Variants in QPCT observed in about 807,000 individuals in gnomAD.
QPCT encodes glutaminyl-peptide cyclotransferase, also known as EC.
A neutral mutation model predicts 43.4 loss-of-function variants in QPCT; 44 were observed. The observed-to-expected ratio is 1.01, with a 90% CI of 0.80 to 1.30. QPCT has a LOEUF of 1.30. QPCT is among the 50% of genes most tolerant of loss of function. QPCT has a pLI of 0.00. For missense variants in QPCT, 526 were observed against 436.5 expected (o/e 1.21, Z -1.83); for synonymous variants, 168 against 168.4 (o/e 1.00, Z 0.02).
chr2:37,351,955 G>T (rs1164869185), intron 1 of QPCT, among the ~76,000 whole-genome samples: 9 of 151,612 alleles, frequency 5.9e-5, no homozygotes, highest in African/African-American at 2.2e-4. Context: ...GCTTGAGCCC[G>T]GGAGGTGGAG....
At chr2:37,350,929 A>G (rs1408560902) in intron 1 of QPCT, among the ~76,000 whole-genome samples, 1 of 152,226 alleles carries the variant, frequency 6.6e-6, no homozygotes, top group East Asian at 1.9e-4. Flanking sequence ...AGCCTTAATG[A>G]GGTTTAGTAA....
At chr2:37,363,775 G>T (rs111844211) in intron 3 of QPCT, among the ~76,000 whole-genome samples, 2 of 151,498 alleles carry the variant, frequency 1.3e-5, no homozygotes, top group African/African-American at 4.8e-5. Flanking sequence ...TTCTTACAGA[G>T]ATAAGAGGAG....
In QPCT at chr2:37,369,764, T is replaced by C. The variant is rs1373414060; in HGVS notation, c.803T>C (p.Phe268Ser). ...TTTTTTCCAAACTCAGCCAGGTGGT[T>C]CGAAAGACTTCAAGCAATTGGTAAG... ...PNFFPNSARWFERLQAIEHEL... is the reference protein window; with the variant it reads ...PNFFPNSARWSERLQAIEHEL... Residue 268 changes from phenylalanine (F) to serine (S), a missense_variant, in exon 5 of 7, where the codon TTC becomes TCC. Coordinates refer to ENST00000338415, the MANE Select transcript of QPCT (RefSeq NM_012413.4). 7 of 1,592,142 alleles carry C rather than the reference T, an allele frequency of 4.4e-6. No homozygotes were observed. The highest frequency in any genetic ancestry group is 6.0e-6 in the Non-Finnish European group (7 of 1,160,130).
intron 1 of QPCT, among the ~76,000 whole-genome samples, chr2:37,350,628 C>T (rs1031392976): frequency 3.3e-5 from 5 of 152,206 alleles, no homozygotes; most frequent in African/African-American, 9.7e-5. Context: ...CCCCAGACAG[C>T]GGATCTTTTT....
intron 1 of QPCT, 149 bp from the exon 2 acceptor site, chr2:37,352,640 C>A (rs1261025263): frequency 9.9e-7 from 1 of 1,007,662 alleles, no homozygotes; most frequent in East Asian, 2.6e-5. Context: ...CCCTAACAGC[C>A]CAATTTTAAA....
At chr2:37,352,201 C>T (rs1202032891) in intron 1 of QPCT, among the ~76,000 whole-genome samples, 1 of 152,066 alleles carries the variant, frequency 6.6e-6, no homozygotes, top group African/African-American at 2.4e-5. Context: ...TTGAATTAGG[C>T]TTGCTATTAA....
chr2:37,358,988 A>G (rs1384534325), intron 2 of QPCT: 3 of 152,738 alleles, frequency 2.0e-5, no homozygotes, highest in Non-Finnish European at 4.4e-5. Context: ...TACCATTTGC[A>G]GTTCTTGTCC....
At chr2:37,360,009 G>T in intron 3 of QPCT, 151 bp downstream of exon 3, 2 of 848,672 alleles carry the variant, frequency 2.4e-6, no homozygotes, top group South Asian at 1.8e-5. Flanking sequence ...AAGATTGCAT[G>T]ATTGGGAATA....
chr2:37,350,926 A>T (rs1672606201), intron 1 of QPCT, among the ~76,000 whole-genome samples: 1 of 152,244 alleles, frequency 6.6e-6, no homozygotes, highest in South Asian at 2.1e-4. Context: ...TTGAGCCTTA[A>T]TGAGGTTTAG....
rs112031803 is a variant in QPCT at position 37,372,476 on chromosome 2, A to ATG, written c.940+22_940+23dup. The ATG allele has an allele frequency of 1.3e-3, 1,977 of 1,555,698 alleles. No individual in the cohort carries two copies. Among genetic ancestry groups the ATG allele is most frequent in the African/African-American group, 2.2e-3 (158 of 73,178 alleles). ...CATATTCCATTTTTAAGAAGAGGTA[A>ATG]TGTGTGTGTGTGTGTGTGTTTGTGT... On this transcript the variant is annotated splice_donor_region_variant and intron_variant, in intron 6 of 6. Coordinates refer to ENST00000338415, the MANE Select transcript of QPCT (RefSeq NM_012413.4).
intron 1 of QPCT, among the ~76,000 whole-genome samples, chr2:37,351,795 T>C (rs1672629983): frequency 6.6e-6 from 1 of 152,100 alleles, no homozygotes; most frequent in Non-Finnish European, 1.5e-5. Flanking sequence ...GACAGGAGAA[T>C]TGCTTGAACC....
Position 37,352,699 on chromosome 2 carries a change from T to TG in QPCT, c.121-89dup. ...TTTGACATAAAGTTCTCCCTTATTT[T>TG]GAAGTTTTAAGCAATTAATTGAAAA... is the stretch of plus-strand genomic sequence containing the variant. On this transcript the variant is annotated intron_variant, in intron 1 of 6. Transcript: ENST00000338415. 3.4e-6 allele frequency: 5 copies of TG among 1,455,904 alleles called. No individual in the cohort carries two copies. The South Asian group carries it at 6.3e-5, about 18-fold the overall frequency. The allele number at this position is 1,455,904 out of a possible 1,614,324, so 90.2% of individuals were successfully genotyped here. A position where few individuals can be genotyped will look rare whatever the true frequency, so the allele number is the denominator to read the frequency against.
At chr2:37,364,576 C>G (rs1672918046) in intron 3 of QPCT, among the ~76,000 whole-genome samples, 1 of 152,166 alleles carries the variant, frequency 6.6e-6, no homozygotes, top group Admixed American at 6.5e-5. Context: ...TGGTGGGAAA[C>G]AGGTTTGCAG....
In QPCT at chr2:37,367,257, T is replaced by C; in HGVS notation, c.572T>C (p.Leu191Ser). The change falls in exon 4 of 7, where the codon TTG becomes TCG. Residue 191 changes from leucine (L) to serine (S), a missense_variant. By Grantham distance (145) the Leu-to-Ser change is moderately radical. Transcript: ENST00000338415. ...ACTGTTTCAGACTCCAAGCCAGATTTGTCACTCCAGCTGATCTTCTTTGAT... is the reference window on the plus strand; with the variant it reads ...ACTGTTTCAGACTCCAAGCCAGATTCGTCACTCCAGCTGATCTTCTTTGAT... ...LKTVSDSKPD[L>S]SLQLIFFDGE... is the part of the protein sequence containing the mutation. 6.2e-7 allele frequency: 1 copy of C among 1,613,946 alleles called. No individual in the cohort carries two copies. Among genetic ancestry groups the C allele is most frequent in the African/African-American group, 1.3e-5 (1 of 75,016 alleles).
intron 4 of QPCT, 152 bp from the exon 5 acceptor site, chr2:37,369,533 A>C (rs184282244): frequency 8.9e-5 from 56 of 628,058 alleles, no homozygotes; most frequent in Non-Finnish European, 9.8e-5. Context: ...AATTAGCATA[A>C]AATGTTAGTA....
chr2:37,355,152 C>T (rs1246301497), intron 2 of QPCT, among the ~76,000 whole-genome samples: 5 of 152,188 alleles, frequency 3.3e-5, no homozygotes, highest in Non-Finnish European at 7.3e-5. Flanking sequence ...GCTGCCTATG[C>T]ATGGGCTGGC....
chr2:37,355,363 A>C (rs1672719444), intron 2 of QPCT, among the ~76,000 whole-genome samples: 2 of 152,228 alleles, frequency 1.3e-5, no homozygotes, highest in Admixed American at 1.3e-4. Flanking sequence ...CCTTTCATGT[A>C]GAACTGAATT....
chr2:37,357,282 C>CT (rs59312382), intron 2 of QPCT, among the ~76,000 whole-genome samples: 172 of 128,696 alleles, frequency 1.3e-3, no homozygotes, highest in East Asian at 5.4e-3. Flanking sequence ...GGAGTATATG[C>CT]TTTTTTTTTT....
At chr2:37,360,796 A>G (rs1183395057) in intron 3 of QPCT, among the ~76,000 whole-genome samples, 1 of 152,154 alleles carries the variant, frequency 6.6e-6, no homozygotes, top group Admixed American at 6.5e-5. Context: ...TGAGCCTTCT[A>G]CAATCCCTTT....
Sources: gnomAD v4.1 joint callset for allele counts (sites outside exome capture counted in the v4.1 genomes callset) on GRCh38, gnomAD v4.1.1 for gene constraint, MANE v1.5 for transcripts, NCBI Gene and HGNC (gene_info 2026-07-23, HGNC 2026-07-21) for gene names.